PCSK5: variants seen among roughly 807,000 people sequenced by gnomAD.
PCSK5 encodes the protein proprotein convertase subtilisin/kexin type 5.
In PCSK5, 129 loss-of-function variants were observed where a neutral mutation model predicts 233.2. That is an observed-to-expected ratio of 0.55 (90% CI 0.48 to 0.64). The LOEUF (loss-of-function observed/expected upper bound fraction) is 0.64. Ranked by LOEUF, PCSK5 falls within the 30% of genes least tolerant of loss-of-function variation. PCSK5 has a pLI of 0.00. For missense variants in PCSK5, 2,076 were observed against 2,430.1 expected (o/e 0.85, Z 3.06); for synonymous variants, 825 against 879.2 (o/e 0.94, Z 1.09).
chr9:76,101,183 C>A (rs1010434605), intron 8 of PCSK5, among the ~76,000 whole-genome samples: 7 of 152,054 alleles, frequency 4.6e-5, no homozygotes, highest in African/African-American at 1.7e-4. Flanking sequence ...GTGTTTTGTT[C>A]CTTTCCAGAG....
At chr9:76,331,378 CG>C (rs1372101947) in intron 33 of PCSK5, among the ~76,000 whole-genome samples, 7 of 151,922 alleles carry the variant, frequency 4.6e-5, no homozygotes, top group African/African-American at 1.7e-4. Flanking sequence ...AGAGAGATGC[CG>C]GGGGTGGGCC....
chr9:75,971,253 G>A (rs62555949), intron 2 of PCSK5, among the ~76,000 whole-genome samples: 21,170 of 152,110 alleles, frequency 0.14, 1,632 homozygotes, highest in Non-Finnish European at 0.15. Context: ...TCCCTGCAAA[G>A]GACATGATTT....
chr9:75,976,467 T>G (rs982141316), intron 2 of PCSK5, among the ~76,000 whole-genome samples: 2 of 152,082 alleles, frequency 1.3e-5, no homozygotes, highest in Non-Finnish European at 2.9e-5. Context: ...AAAGAACAAA[T>G]TTACTTGAGA....
At chr9:76,103,823 C>T (rs1450498591) in intron 8 of PCSK5, among the ~76,000 whole-genome samples, 3 of 152,238 alleles carry the variant, frequency 2.0e-5, no homozygotes, top group African/African-American at 7.2e-5. Flanking sequence ...CTGAGAAGTT[C>T]TTTGGAGAAA....
At chr9:76,219,935 CTG>C (rs1363452454) in intron 20 of PCSK5, among the ~76,000 whole-genome samples, 1 of 152,212 alleles carries the variant, frequency 6.6e-6, no homozygotes, top group Admixed American at 6.5e-5. Context: ...GCATCAGACA[CTG>C]TACTGTTCTC....
chr9:76,207,693 C>T (rs1285696493), intron 20 of PCSK5, among the ~76,000 whole-genome samples: 1 of 152,116 alleles, frequency 6.6e-6, no homozygotes, highest in Non-Finnish European at 1.5e-5. Context: ...AGAGGATATG[C>T]TCTACCGAAT....
chr9:76,167,793 G>A (rs1823148353), intron 12 of PCSK5, among the ~76,000 whole-genome samples: 1 of 152,118 alleles, frequency 6.6e-6, no homozygotes, highest in Non-Finnish European at 1.5e-5. Context: ...TGAGATTAAA[G>A]CAAAGAGAGT....
At chr9:76,065,120 C>A (rs1048183947) in intron 5 of PCSK5, among the ~76,000 whole-genome samples, 1 of 152,172 alleles carries the variant, frequency 6.6e-6, no homozygotes, top group African/African-American at 2.4e-5. Context: ...GTGCAGATAT[C>A]TTTTCAATAG....
rs748263945 is a variant in PCSK5 at position 76,233,577 on chromosome 9, C to T, written c.2847C>T (p.His949=). Residue 949 remains histidine, a synonymous_variant, in exon 22 of 38, where the codon CAC becomes CAT. Coordinates refer to ENST00000674117, the MANE Select transcript of PCSK5 (RefSeq NM_001372043.1). ...GATGCCAAGGAAGTGGCCCTACCCACTGCACCTCCTGTGGAGCAGGTGAGA... is the reference window on the plus strand; with the variant it reads ...GATGCCAAGGAAGTGGCCCTACCCATTGCACCTCCTGTGGAGCAGGTGAGA... ...CQRCQGSGPT[H]CTSCGADNYG... The T allele has an allele frequency of 1.9e-6, 3 of 1,610,896 alleles. No homozygotes were observed. The highest frequency in any genetic ancestry group is 2.5e-6 in the Non-Finnish European group (3 of 1,179,770).
At chr9:75,916,698 A>G (rs1040416584) in intron 1 of PCSK5, among the ~76,000 whole-genome samples, 2 of 152,106 alleles carry the variant, frequency 1.3e-5, no homozygotes, top group African/African-American at 4.8e-5. Flanking sequence ...AGTGAGGGTT[A>G]GGGAGAGGTG....
At chr9:76,340,102 T>C (rs369510936) in intron 35 of PCSK5, among the ~76,000 whole-genome samples, 1 of 152,140 alleles carries the variant, frequency 6.6e-6, no homozygotes, top group African/African-American at 2.4e-5. Flanking sequence ...TTCTTCCTCC[T>C]TAATTCTGTA....
At chr9:76,231,048 A>G (rs1826063072) in intron 21 of PCSK5, among the ~76,000 whole-genome samples, 1 of 152,138 alleles carries the variant, frequency 6.6e-6, no homozygotes, top group South Asian at 2.1e-4. Flanking sequence ...TCATGCTGCT[A>G]TGAAGAAATA....
At chr9:76,207,962 A>G (rs1346402464) in intron 20 of PCSK5, among the ~76,000 whole-genome samples, 1 of 152,136 alleles carries the variant, frequency 6.6e-6, no homozygotes, top group Non-Finnish European at 1.5e-5. Flanking sequence ...ATTTGGTGAG[A>G]GCCTTCTTGC....
chr9:76,020,882 A>G (rs1388542142), intron 3 of PCSK5, among the ~76,000 whole-genome samples: 1 of 152,138 alleles, frequency 6.6e-6, no homozygotes, highest in Non-Finnish European at 1.5e-5. Flanking sequence ...TCATGTCACA[A>G]TCGATACCGC....
chr9:76,116,181 TCAA>T (rs977425733), intron 9 of PCSK5, among the ~76,000 whole-genome samples: 1 of 152,080 alleles, frequency 6.6e-6, no homozygotes, highest in African/African-American at 2.4e-5. Flanking sequence ...CATCCTGACA[TCAA>T]CAAGATGATT....
Position 76,157,186 on chromosome 9 carries a change from G to A in PCSK5, c.1430+24G>A. 2.0e-6 allele frequency: 3 copies of A among 1,480,780 alleles called. No homozygotes were observed. The South Asian group carries it at 3.4e-5, about 17-fold the overall frequency. The allele number at this position is 1,480,780 out of a possible 1,614,324, so 91.7% of individuals were successfully genotyped here. ...AAGTAATGCTTGCTGCCGGCAAACA[G>A]CATGACAATGCCCCAAAATAGAGCA... On this transcript the variant is annotated intron_variant, in intron 11 of 37. Coordinates refer to ENST00000674117, the MANE Select transcript of PCSK5 (RefSeq NM_001372043.1).
chr9:76,133,679 T>A (rs1347702536), intron 9 of PCSK5, among the ~76,000 whole-genome samples: 2 of 151,996 alleles, frequency 1.3e-5, no homozygotes, highest in Non-Finnish European at 1.5e-5. Flanking sequence ...AAATTGCAGC[T>A]CACTTACCAA....
At position 75,918,113 on chromosome 9, in the gene PCSK5, G is replaced by C. The variant is rs544434468; in HGVS notation, c.193-14266G>C. 9.5e-4 allele frequency among the ~76,000 whole-genome samples: 144 copies of C among 152,296 alleles called. 3 individuals carry two copies. The South Asian group carries it at 0.03, about 31-fold the overall frequency. ...GTTTTTCATTATCTTCTGGAGTTGA[G>C]TTTGGATAAAACTCTTCTTGAAATC... On this transcript the variant is annotated intron_variant, in intron 1 of 37. Coordinates refer to ENST00000674117, the MANE Select transcript of PCSK5 (RefSeq NM_001372043.1).
chr9:76,262,082 C>T (rs1827192645), intron 24 of PCSK5, among the ~76,000 whole-genome samples: 2 of 152,118 alleles, frequency 1.3e-5, no homozygotes, highest in Non-Finnish European at 2.9e-5. Flanking sequence ...CTGTCTTGTG[C>T]CAGTTTTCAA....
Sources: gnomAD v4.1 joint callset for allele counts (sites outside exome capture counted in the v4.1 genomes callset) on GRCh38, gnomAD v4.1.1 for gene constraint, MANE v1.5 for transcripts, NCBI Gene and HGNC (gene_info 2026-07-23, HGNC 2026-07-21) for gene names.